SLC28A3: variants seen among roughly 807,000 people sequenced by gnomAD.
SLC28A3 encodes the protein solute carrier family 28 member 3.
A neutral mutation model predicts 84.2 loss-of-function variants in SLC28A3; 68 were observed. The observed-to-expected ratio is 0.81, with a 90% confidence interval of 0.66 to 0.99. SLC28A3 has a LOEUF of 0.99. SLC28A3 is among the 50% of genes least tolerant of loss of function. SLC28A3 has a pLI of 0.00. For missense variants in SLC28A3, 712 were observed against 841.5 expected, an observed-to-expected ratio of 0.85 and a Z score of 1.90; for synonymous variants, 267 against 303.6, an observed-to-expected ratio of 0.88 and a Z score of 1.25.
rs1296076493 is a variant in SLC28A3 at position 84,290,134 on chromosome 9, T to A, written c.1149+20A>T. 1.2e-6 allele frequency: 2 copies of A among 1,610,694 alleles called. No homozygotes were observed. The highest frequency in any genetic ancestry group is 8.5e-7 in the Non-Finnish European group (1 of 1,178,448). ...AAGAAAGAAGAGGTTGGTGTTTTCA[T>A]AATTCCAAAACATTCTTACCCCAAA... On this transcript the variant is annotated intron_variant, in intron 11 of 17. Transcript: ENST00000376238.
intron 1 of SLC28A3, among the ~76,000 whole-genome samples, chr9:84,332,131 G>A (rs1198643328): frequency 6.6e-6 from 1 of 152,182 alleles, no homozygotes; most frequent in Admixed American, 6.5e-5. Flanking sequence ...GAAAGTATAA[G>A]CTTTTAGAAA....
At chr9:84,305,814 C>G (rs1451085334) in intron 3 of SLC28A3, among the ~76,000 whole-genome samples, 2 of 152,204 alleles carry the variant, frequency 1.3e-5, no homozygotes, top group Non-Finnish European at 2.9e-5. Flanking sequence ...CCCCCATCAC[C>G]ATCCCCGTTA....
chr9:84,303,784 C>G (rs1825706684), intron 4 of SLC28A3, among the ~76,000 whole-genome samples: 2 of 152,212 alleles, frequency 1.3e-5, no homozygotes, highest in Admixed American at 1.3e-4. Flanking sequence ...AAACTCCACC[C>G]TCAGGTCATG....
intron 3 of SLC28A3, among the ~76,000 whole-genome samples, chr9:84,307,399 C>A (rs1825832487): frequency 6.9e-6 from 1 of 143,944 alleles, no homozygotes; most frequent in Non-Finnish European, 1.5e-5. Flanking sequence ...CCATTGGATT[C>A]CAGCCTGGGA....
At chr9:84,324,908 A>C (rs4877845) in intron 1 of SLC28A3, among the ~76,000 whole-genome samples, 102,838 of 151,968 alleles carry the variant, frequency 0.68, 35,615 homozygotes, top group Middle Eastern at 0.77. Context: ...AGCAACCTTG[A>C]CTCACATGAA....
intron 1 of SLC28A3, among the ~76,000 whole-genome samples, chr9:84,338,007 C>T (rs1040584722): frequency 6.6e-6 from 1 of 152,168 alleles, no homozygotes; most frequent in African/African-American, 2.4e-5. Context: ...AGGAACAGTC[C>T]AGATGAGAGC....
chr9:84,290,763 G>C (rs768233562), intron 10 of SLC28A3, among the ~76,000 whole-genome samples: 3 of 152,148 alleles, frequency 2.0e-5, no homozygotes, highest in Non-Finnish European at 4.4e-5. Flanking sequence ...GTGGCTTCCT[G>C]TCTTCCAACT....
At chr9:84,342,580 ATT>A (rs34749390), upstream of SLC28A3, among the ~76,000 whole-genome samples, 960 of 143,070 alleles carry the variant, frequency 6.7e-3, 8 homozygotes, top group African/African-American at 0.022. Context: ...CCATGGCTAA[ATT>A]TTTTTTTTTT....
intron 4 of SLC28A3, among the ~76,000 whole-genome samples, chr9:84,304,819 C>T (rs1295689273): frequency 1.3e-5 from 2 of 152,102 alleles, no homozygotes; most frequent in Non-Finnish European, 2.9e-5. Flanking sequence ...GTCAGGAGTT[C>T]GAGACCAGCC....
At position 84,292,651 on chromosome 9, in the gene SLC28A3, T is replaced by C. The variant is rs757109384; in HGVS notation, c.1023+17A>G. 1.9e-6 allele frequency: 3 copies of C among 1,590,304 alleles called. No individual in the cohort carries two copies. Among genetic ancestry groups the C allele is most frequent in the Non-Finnish European group, 2.6e-6 (3 of 1,163,092 alleles). ...CCATTTCAACAGATGTTTTGTTCTG[T>C]TGATATTACAACTTACTTGTCCAAC... is the stretch of plus-strand genomic sequence containing the variant. On this transcript the variant is annotated intron_variant, in intron 10 of 17. Transcript: ENST00000376238.
At chr9:84,331,629 G>GT (rs910635900) in intron 1 of SLC28A3, among the ~76,000 whole-genome samples, 97 of 152,302 alleles carry the variant, frequency 6.4e-4, no homozygotes, top group African/African-American at 2.2e-3. Flanking sequence ...ACTTTCGTAA[G>GT]TGAGTTCCAC....
At chr9:84,294,913 C>T (rs1423617712) in intron 8 of SLC28A3, among the ~76,000 whole-genome samples, 1 of 151,716 alleles carries the variant, frequency 6.6e-6, no homozygotes, top group Non-Finnish European at 1.5e-5. Context: ...TATGGGGGAT[C>T]CAGGCCCTTT....
chr9:84,367,853 G>A, the SLC28A3 span, among the ~76,000 whole-genome samples: 2 of 152,114 alleles, frequency 1.3e-5, no homozygotes, highest in Non-Finnish European at 2.9e-5. Context: ...AGCATATCTC[G>A]CCTCCAGCCA....
chr9:84,309,882 C>T (rs1047311273), intron 2 of SLC28A3, among the ~76,000 whole-genome samples, 168 bp from the exon 3 acceptor site: 14 of 151,966 alleles, frequency 9.2e-5, no homozygotes, highest in African/African-American at 3.4e-4. Context: ...TTTTTCCCGG[C>T]TTATAATCTC....
chr9:84,278,254 C>G lies in SLC28A3; in HGVS notation c.2040G>C (p.Ser680=). 6.2e-7 allele frequency: 1 copy of G among 1,613,830 alleles called. No individual in the cohort carries two copies. The highest frequency in any genetic ancestry group is 1.1e-5 in the South Asian group (1 of 91,054). ...TAGAGATCCCATTGCAGTTAAAGGTCGATGGATTCAACAATGTGCAGCAGC... is the reference window on the plus strand; with the variant it reads ...TAGAGATCCCATTGCAGTTAAAGGTGGATGGATTCAACAATGTGCAGCAGC... ...LKGCCTLLNP[S]TFNCNGISNT... The change falls in exon 18 of 18, where the codon TCG becomes TCC. Residue 680 remains serine (S), a synonymous_variant. Coordinates refer to ENST00000376238, the MANE Select transcript of SLC28A3 (RefSeq NM_001199633.2).
At chr9:84,361,389 TATGAGCCATCAC>T in the SLC28A3 span, among the ~76,000 whole-genome samples, 1 of 152,174 alleles carries the variant, frequency 6.6e-6, no homozygotes, top group Non-Finnish European at 1.5e-5. Flanking sequence ...TATTTCAGAA[TATGAGCCATCAC>T]ATGCTTATTG....
At chr9:84,284,323 T>C (rs1315613459) in intron 14 of SLC28A3, among the ~76,000 whole-genome samples, 1 of 152,194 alleles carries the variant, frequency 6.6e-6, no homozygotes, top group African/African-American at 2.4e-5. Flanking sequence ...TCCCTGCTCA[T>C]GTCAGATGTG....
In SLC28A3 at chr9:84,280,796, C is replaced by T; in HGVS notation, c.1729+5G>A. ...GTGTTGTTGAAGAATGTTCTTTTCA[C>T]TTACTGAGTCCGCCGATCACGATTC... is the stretch of plus-strand genomic sequence containing the variant. On this transcript the variant is annotated splice_donor_5th_base_variant and intron_variant, in intron 15 of 17. Coordinates refer to ENST00000376238, the MANE Select transcript of SLC28A3 (RefSeq NM_001199633.2). The T allele has an allele frequency of 1.2e-6, 2 of 1,613,988 alleles. No homozygotes were observed. Among genetic ancestry groups the T allele is most frequent in the Non-Finnish European group, 1.7e-6 (2 of 1,179,916 alleles).
chr9:84,308,408 C>T (rs1468397853), intron 3 of SLC28A3, among the ~76,000 whole-genome samples: 4 of 151,614 alleles, frequency 2.6e-5, no homozygotes, highest in South Asian at 2.1e-4. Flanking sequence ...TAGCCGGGCA[C>T]GATGGTGCAT....
Sources: gnomAD v4.1 joint callset for allele counts (sites outside exome capture counted in the v4.1 genomes callset) on GRCh38, gnomAD v4.1.1 for gene constraint, MANE v1.5 for transcripts, NCBI Gene and HGNC (gene_info 2026-07-23, HGNC 2026-07-21) for gene names.